AGA: variants seen among roughly 807,000 people sequenced by gnomAD.
AGA encodes the protein N(4)-(beta-N-acetylglucosaminyl)-L-asparaginase.
Under a neutral mutation model 40.1 loss-of-function variants are expected in AGA, and 31 were observed. That is an observed-to-expected ratio of 0.77 (90% CI 0.58 to 1.04). The LOEUF (loss-of-function observed/expected upper bound fraction) is 1.04, where lower values mean the gene tolerates loss of function less well. Among genes scored for constraint, AGA ranks in the 50% least tolerant of loss-of-function variants. The pLI, the probability that AGA is intolerant of heterozygous loss-of-function variation, is 0.00. For synonymous variants in AGA, 148 were observed against 144.0 expected (o/e 1.03, Z -0.20); for missense variants, 445 against 435.4 (o/e 1.02, Z -0.20).
In AGA at chr4:177,440,565, T is replaced by A. The variant is rs1040597958; in HGVS notation, c.128-139A>T. 1.2e-5 allele frequency: 12 copies of A among 969,494 alleles called. No homozygotes were observed. In the African/African-American group the frequency reaches 1.8e-4, roughly 15 times the overall value. 60.1% of individuals were successfully genotyped at this position (969,494 alleles called of 1,614,324 possible). ...TTTTTTAACACATTAGTTTATCAAGTGTTACAAAGGAGTCAGTGAAGAGTC... is the reference window on the plus strand; with the variant it reads ...TTTTTTAACACATTAGTTTATCAAGAGTTACAAAGGAGTCAGTGAAGAGTC... On this transcript the variant is annotated intron_variant, in intron 1 of 8. Transcript: ENST00000264595.
chr4:177,435,244 C>T (rs894458853), intron 6 of AGA, among the ~76,000 whole-genome samples: 1 of 152,102 alleles, frequency 6.6e-6, no homozygotes, highest in Non-Finnish European at 1.5e-5. Flanking sequence ...GTGTTCTCAC[C>T]ATAATAAAAT....
At chr4:177,435,651 C>G (rs1371004706) in intron 6 of AGA, among the ~76,000 whole-genome samples, 2 of 152,052 alleles carry the variant, frequency 1.3e-5, no homozygotes, top group African/African-American at 2.4e-5. Context: ...TGGCCCCAGT[C>G]TTCCCTTGTA....
chr4:177,434,538 C>A (rs766595947), intron 6 of AGA, 49 bp from the exon 7 acceptor site: 4 of 1,455,502 alleles, frequency 2.7e-6, no homozygotes, highest in Non-Finnish European at 3.9e-6. Flanking sequence ...GTGTAAAACA[C>A]ATTAAGTCAT....
chr4:177,440,159 A>T, intron 2 of AGA, 114 bp downstream of exon 2: 1 of 1,278,382 alleles, frequency 7.8e-7, no homozygotes, highest in Non-Finnish European at 1.1e-6. Context: ...AAGTATAATA[A>T]GCTAGGGGTT....
In AGA at chr4:177,442,434, A is replaced by T; in HGVS notation, c.-59T>A. On this transcript the variant is annotated 5_prime_UTR_variant, in exon 1 of 9. Coordinates refer to ENST00000264595, the MANE Select transcript of AGA (RefSeq NM_000027.4). ...TCCCGGCAGCCAGCGATCGCCGAACAATTAATCCCCAGTGCCCCGCCCGCC... is the reference window on the plus strand; with the variant it reads ...TCCCGGCAGCCAGCGATCGCCGAACTATTAATCCCCAGTGCCCCGCCCGCC... 6.2e-6 allele frequency: 10 copies of T among 1,611,446 alleles called. No individual in the cohort carries two copies. The highest frequency in any genetic ancestry group is 8.5e-6 in the Non-Finnish European group (10 of 1,178,988).
At chr4:177,437,621 A>G in intron 4 of AGA, 102 bp from the exon 5 acceptor site, 1 of 746,048 alleles carries the variant, frequency 1.3e-6, no homozygotes, top group Non-Finnish European at 2.4e-6. Flanking sequence ...CCAAAAAAAG[A>G]CATCTGGTAA....
At chr4:177,441,535 C>G (rs1737011728) in intron 1 of AGA, among the ~76,000 whole-genome samples, 1 of 152,104 alleles carries the variant, frequency 6.6e-6, no homozygotes, top group Non-Finnish European at 1.5e-5. Context: ...TCATTCTGGA[C>G]ACGAGGGCAG....
At chr4:177,440,680 A>C (rs1352284233) in intron 1 of AGA, among the ~76,000 whole-genome samples, 1 of 150,632 alleles carries the variant, frequency 6.6e-6, no homozygotes, top group African/African-American at 2.4e-5. Flanking sequence ...ACTAATATCT[A>C]TCTCTTCTGT....
rs1736611498 is a variant in AGA, at chr4:177,430,915, C to G, written c.*793G>C. 2 of 453,928 alleles carry G rather than the reference C, an allele frequency of 4.4e-6. No homozygotes were observed. The highest frequency in any genetic ancestry group is 8.8e-6 in the Non-Finnish European group (2 of 226,788). 28.1% of individuals were successfully genotyped at this position (453,928 alleles called of 1,614,324 possible). On this transcript the variant is annotated 3_prime_UTR_variant, in exon 9 of 9. Coordinates refer to ENST00000264595, the MANE Select transcript of AGA (RefSeq NM_000027.4). Reference sequence around the variant, plus strand: ...TTAATCAGAAGTTAGGGAAACAAACCAAGCTAAACAACCCATTTCTTGACT... The same window carrying G: ...TTAATCAGAAGTTAGGGAAACAAACGAAGCTAAACAACCCATTTCTTGACT...
chr4:177,438,673 C>A (rs1293130062), intron 4 of AGA, 72 bp downstream of exon 4: 1 of 1,037,022 alleles, frequency 9.6e-7, no homozygotes, highest in South Asian at 1.3e-5. Context: ...AACAGGCAGG[C>A]AACACTGAGC....
At chr4:177,435,109 C>T (rs1736769531) in intron 6 of AGA, among the ~76,000 whole-genome samples, 1 of 151,730 alleles carries the variant, frequency 6.6e-6, no homozygotes, top group African/African-American at 2.4e-5. Flanking sequence ...CTGGGTTTCA[C>T]CATGTTGGCC....
At position 177,431,658 on chromosome 4, in the gene AGA, A is replaced by C; in HGVS notation, c.*50T>G. Reference sequence around the variant, plus strand: ...GATGATGAGAGTGAGCAGCCTTTTCAGCCTTTGTTTCTTTCTTCTTTAAAT... The same window carrying C: ...GATGATGAGAGTGAGCAGCCTTTTCCGCCTTTGTTTCTTTCTTCTTTAAAT... On this transcript the variant is annotated 3_prime_UTR_variant, in exon 9 of 9. Transcript: ENST00000264595. 1 of 1,480,160 alleles carries C rather than the reference A, an allele frequency of 6.8e-7. No homozygotes were observed. The highest frequency in any genetic ancestry group is 9.4e-7 in the Non-Finnish European group (1 of 1,061,598). 91.7% of individuals were successfully genotyped at this position (1,480,160 alleles called of 1,614,324 possible).
intron 8 of AGA, among the ~76,000 whole-genome samples, chr4:177,432,599 T>G (rs1736666545): frequency 6.6e-6 from 1 of 152,198 alleles, no homozygotes; most frequent in Admixed American, 6.5e-5. Context: ...CAGTCCAACC[T>G]AATAAGTCAT....
At chr4:177,441,748 G>A (rs1737020995) in intron 1 of AGA, among the ~76,000 whole-genome samples, 1 of 152,202 alleles carries the variant, frequency 6.6e-6, no homozygotes, top group African/African-American at 2.4e-5. Flanking sequence ...TACAGCAAAG[G>A]TTGGAACCTT....
intron 7 of AGA, among the ~76,000 whole-genome samples, chr4:177,433,564 T>C (rs1336472841): frequency 6.6e-6 from 1 of 152,226 alleles, no homozygotes; most frequent in Non-Finnish European, 1.5e-5. Flanking sequence ...GAATTTCAGA[T>C]GTGGAATATT....
intron 2 of AGA, chr4:177,440,056 C>G: frequency 1.6e-6 from 1 of 613,118 alleles, no homozygotes; most frequent in Non-Finnish European, 2.8e-6. Flanking sequence ...GGCATTCTCC[C>G]AGTTCTAAGG....
intron 6 of AGA, among the ~76,000 whole-genome samples, chr4:177,435,851 GCACACACA>G (rs3067063): frequency 1.2e-4 from 18 of 148,362 alleles, no homozygotes; most frequent in East Asian, 8.0e-4. Context: ...CTGCGTGCAC[GCACACACA>G]CACACACACA....
At chr4:177,436,619 G>A (rs1046099189) in intron 5 of AGA, among the ~76,000 whole-genome samples, 2 of 152,150 alleles carry the variant, frequency 1.3e-5, no homozygotes, top group South Asian at 4.2e-4. Context: ...ACCACGTGAC[G>A]ACACAGCAAG....
chr4:177,440,140 A>T, intron 2 of AGA, 133 bp downstream of exon 2: 1 of 1,087,014 alleles, frequency 9.2e-7, no homozygotes, highest in Non-Finnish European at 1.4e-6. Flanking sequence ...AACTGTGTTT[A>T]GAAAGGTCAA....
Sources: allele counts gnomAD v4.1 joint callset (sites outside exome capture counted in the v4.1 genomes callset), GRCh38; gene constraint gnomAD v4.1.1; transcripts MANE v1.5; gene names NCBI Gene and HGNC (gene_info 2026-07-23, HGNC 2026-07-21).